AKAP12: variants seen among roughly 807,000 people sequenced by gnomAD.
AKAP12 encodes A-kinase anchor protein 12.
Under a neutral mutation model 79.9 loss-of-function variants are expected in AKAP12, and 32 were observed. The ratio of observed to expected loss-of-function variants is 0.40; its 90% confidence interval spans 0.30 to 0.54. AKAP12 has a LOEUF of 0.54. AKAP12 is among the 20% of genes least tolerant of loss of function. The pLI, the probability that AKAP12 is intolerant of heterozygous loss-of-function variation, is 0.48. For synonymous variants in AKAP12, 808 were observed against 857.0 expected (o/e 0.94, Z 1.00); for missense variants, 2,074 against 2,177.0 (o/e 0.95, Z 0.94).
chr6:151,308,018 G>A (rs1424114005), intron 3 of AKAP12, among the ~76,000 whole-genome samples: 4 of 151,896 alleles, frequency 2.6e-5, no homozygotes, highest in Admixed American at 2.6e-4. Context: ...TGAGTAGCTG[G>A]GACGTGCCAC....
At chr6:151,337,117 T>C (rs1160625410) in intron 3 of AKAP12, among the ~76,000 whole-genome samples, 3 of 152,120 alleles carry the variant, frequency 2.0e-5, no homozygotes, top group Non-Finnish European at 4.4e-5. Flanking sequence ...TAAAATCAGG[T>C]TGGGTAAATC....
chr6:151,276,997 AT>A (rs1776302185), intron 2 of AKAP12, among the ~76,000 whole-genome samples: 1 of 152,190 alleles, frequency 6.6e-6, no homozygotes, highest in Admixed American at 6.5e-5. Context: ...TTTAAGTCAA[AT>A]CTTGCTCTTG....
In AKAP12 at chr6:151,297,951, T is replaced by C. The variant is rs533055634; in HGVS notation, c.163-7796T>C. On this transcript the variant is annotated intron_variant, in intron 2 of 4. Transcript: ENST00000402676. Reference sequence around the variant, plus strand: ...CTCATAAAATGGCTGCTGAGTGCTTTTCTATTTAGAAAGAGAATTTCCCCC... The same window carrying C: ...CTCATAAAATGGCTGCTGAGTGCTTCTCTATTTAGAAAGAGAATTTCCCCC... Among the ~76,000 whole-genome samples the C allele has an allele frequency of 1.1e-4, 17 of 152,304 alleles. No homozygotes were observed. The East Asian group carries it at 3.3e-3, about 29-fold the overall frequency.
chr6:151,278,821 C>T (rs1226583683), intron 2 of AKAP12, among the ~76,000 whole-genome samples: 19 of 152,074 alleles, frequency 1.2e-4, no homozygotes. Flanking sequence ...GCACCTGCCA[C>T]CATGCCCGGC....
At chr6:151,289,336 A>C (rs1438396952) in intron 2 of AKAP12, among the ~76,000 whole-genome samples, 1 of 152,190 alleles carries the variant, frequency 6.6e-6, no homozygotes, top group Non-Finnish European at 1.5e-5. Flanking sequence ...ACTTGGATAG[A>C]CTGTGAATGT....
At position 151,350,697 on chromosome 6, in the gene AKAP12, G is replaced by GA. The variant is rs765496591; in HGVS notation, c.2313dup (p.Ser772IlefsTer26). The GA allele has an allele frequency of 6.2e-7, 1 of 1,613,616 alleles. No individual in the cohort carries two copies. Among genetic ancestry groups the GA allele is most frequent in the Non-Finnish European group, 8.5e-7 (1 of 1,179,914 alleles). The stretch of plus-strand genomic sequence containing the variant: ...TCATTTAAAAGGTTAGTCACGCCAA[G>GA]AAAAAAATCAAAGTCCAAGCTGGAA... On this transcript the variant is annotated frameshift_variant, in exon 4 of 5. Coordinates refer to ENST00000402676, the MANE Select transcript of AKAP12 (RefSeq NM_005100.4). LOFTEE classifies it high-confidence loss of function. The surrounding 1 kb of genome is among the most constrained non-coding windows in gnomAD (Gnocchi z 4.8).
chr6:151,265,893 C>T (rs138188394), intron 2 of AKAP12, among the ~76,000 whole-genome samples: 1 of 152,206 alleles, frequency 6.6e-6, no homozygotes, highest in African/African-American at 2.4e-5. Flanking sequence ...ATGAGCCCAA[C>T]AATGACATTT....
chr6:151,306,594 G>A (rs538687231), intron 3 of AKAP12, among the ~76,000 whole-genome samples: 7 of 152,250 alleles, frequency 4.6e-5, no homozygotes, highest in Admixed American at 6.5e-5. Context: ...TTCGGCATAC[G>A]GTAAATTGAT....
intron 2 of AKAP12, among the ~76,000 whole-genome samples, chr6:151,264,625 C>T (rs1223767628): frequency 6.8e-6 from 1 of 147,900 alleles, no homozygotes; most frequent in Non-Finnish European, 1.5e-5. Flanking sequence ...GAGCCAAGAT[C>T]GTATCACTGA....
At chr6:151,346,933 CCTT>C (rs769532554) in intron 3 of AKAP12, among the ~76,000 whole-genome samples, 1 of 152,176 alleles carries the variant, frequency 6.6e-6, no homozygotes, top group African/African-American at 2.4e-5. Flanking sequence ...TCCTCATTTA[CCTT>C]TTTTAGTATC....
chr6:151,266,879 G>A (rs1398143499), intron 2 of AKAP12, among the ~76,000 whole-genome samples: 1 of 151,966 alleles, frequency 6.6e-6, no homozygotes, highest in Non-Finnish European at 1.5e-5. Context: ...AAAAACGCAT[G>A]TATGTGGCTG....
At chr6:151,259,971 T>A (rs993981581) in intron 2 of AKAP12, among the ~76,000 whole-genome samples, 26 of 152,228 alleles carry the variant, frequency 1.7e-4, no homozygotes, top group African/African-American at 6.0e-4. Context: ...TGAGCCAATT[T>A]GGGGCATTCC....
intron 2 of AKAP12, among the ~76,000 whole-genome samples, chr6:151,285,592 A>G (rs1337999873): frequency 6.8e-6 from 1 of 147,664 alleles, no homozygotes; most frequent in Non-Finnish European, 1.5e-5. Flanking sequence ...GTCTTGGGTT[A>G]AAAAAAAAAA....
chr6:151,256,374 A>G (rs1228274616), intron 2 of AKAP12, among the ~76,000 whole-genome samples: 2 of 152,202 alleles, frequency 1.3e-5, no homozygotes, highest in Non-Finnish European at 2.9e-5. Context: ...ATAGCAATTC[A>G]GAAGGCTTTA....
intron 2 of AKAP12, among the ~76,000 whole-genome samples, chr6:151,254,462 C>T (rs1797250944): frequency 6.6e-6 from 1 of 152,204 alleles, no homozygotes; most frequent in East Asian, 1.9e-4. Flanking sequence ...AGAGATTCTC[C>T]TGCCTCAGTC....
chr6:151,332,033 G>GTTGTTTTTGTTTTTTT lies in AKAP12; in HGVS notation c.320-16676_320-16675insGTTTTTGTTTTTTTTT, dbSNP rs1303327962. ...GAGTAGCACGTCCAGTTCTGGGTCT[G>GTTGTTTTTGTTTTTTT]TTTTTTTTTTTTTTTTTTTTTGAGA... On this transcript the variant is annotated intron_variant, in intron 3 of 4. Coordinates refer to ENST00000402676, the MANE Select transcript of AKAP12 (RefSeq NM_005100.4). 2.9e-4 allele frequency among the ~76,000 whole-genome samples: 23 copies of GTTGTTTTTGTTTTTTT among 79,670 alleles called. 6 individuals carry two copies. The highest frequency in any genetic ancestry group is 8.7e-4 in the African/African-American group (16 of 18,426). The allele number at this position is 79,670 out of a possible 152,430, so 52.3% of individuals were successfully genotyped here. A position where few individuals can be genotyped will look rare whatever the true frequency, so the allele number is the denominator to read the frequency against.
At chr6:151,341,610 T>C in intron 3 of AKAP12, 1 of 826,754 alleles carries the variant, frequency 1.2e-6, no homozygotes, top group South Asian at 2.4e-5. Flanking sequence ...AGGGGCGCGC[T>C]GGGCCTCACG....
At position 151,358,332 on chromosome 6, in the gene AKAP12, A is replaced by G. The variant is rs1350319562; in HGVS notation, c.*2618A>G. 4.6e-5 allele frequency: 7 copies of G among 152,180 alleles called. No homozygotes were observed. The highest frequency in any genetic ancestry group is 3.9e-4 in the Admixed American group (6 of 15,278). The allele number at this position is 152,180 out of a possible 1,614,324, so 9.4% of individuals were successfully genotyped here. ...TCAGGTTATTTTGCTTATGGTACCCATGAGTTGCCTCTCTCTGTACATAGA... is the reference window on the plus strand; with the variant it reads ...TCAGGTTATTTTGCTTATGGTACCCGTGAGTTGCCTCTCTCTGTACATAGA... On this transcript the variant is annotated 3_prime_UTR_variant, in exon 5 of 5. Coordinates refer to ENST00000402676, the MANE Select transcript of AKAP12 (RefSeq NM_005100.4).
intron 2 of AKAP12, among the ~76,000 whole-genome samples, chr6:151,267,014 C>CAAAAAAAAAAA (rs34974747): frequency 2.8e-5 from 1 of 35,346 alleles, no homozygotes; most frequent in Admixed American, 4.5e-4. Context: ...GACTCCATCT[C>CAAAAAAAAAAA]AAAAAAAAAA....
Sources: allele counts gnomAD v4.1 joint callset (sites outside exome capture counted in the v4.1 genomes callset), GRCh38; gene constraint gnomAD v4.1.1; non-coding constraint Gnocchi (gnomAD v3.1); transcripts MANE v1.5; gene names NCBI Gene and HGNC (gene_info 2026-07-23, HGNC 2026-07-21).